Variants in ZNF143 observed in about 807,000 individuals in gnomAD.
ZNF143 encodes the protein zinc finger protein 143, also known as SPH-binding factor.
Under a neutral mutation model 74.1 loss-of-function variants are expected in ZNF143, and 49 were observed. The observed-to-expected ratio is 0.66, with a 90% CI of 0.53 to 0.84. ZNF143 has a LOEUF of 0.84. Ranked by LOEUF, ZNF143 falls within the 40% of genes least tolerant of loss-of-function variation. The probability of loss-of-function intolerance (pLI) is 0.00; values close to 1 mark genes in which losing one functional copy is unlikely to be tolerated. For missense variants in ZNF143, 637 were observed against 793.4 expected (o/e 0.80, Z 2.37); for synonymous variants, 304 against 282.8 (o/e 1.07, Z -0.75).
At chr11:9,501,608 G>A (rs982128425) in intron 11 of ZNF143, among the ~76,000 whole-genome samples, 1 of 152,124 alleles carries the variant, frequency 6.6e-6, no homozygotes, top group South Asian at 2.1e-4. Context: ...AGTCACTTCT[G>A]CAGGAATGGG....
intron 15 of ZNF143, among the ~76,000 whole-genome samples, chr11:9,526,783 A>G (rs1405564924): frequency 1.2e-4 from 19 of 152,146 alleles, no homozygotes; most frequent in Non-Finnish European, 1.5e-5. Context: ...ATTGCAGGCC[A>G]GGCACGGCAG....
chr11:9,480,921 A>C (rs1186240199), intron 7 of ZNF143, among the ~76,000 whole-genome samples: 1 of 151,988 alleles, frequency 6.6e-6, no homozygotes, highest in Non-Finnish European at 1.5e-5. Flanking sequence ...AAGAAATATT[A>C]TGCTTCTACG....
At chr11:9,466,419 C>A (rs1014597366) in intron 1 of ZNF143, among the ~76,000 whole-genome samples, 3 of 151,544 alleles carry the variant, frequency 2.0e-5, no homozygotes, top group African/African-American at 7.3e-5. Context: ...CTTCAGCCTC[C>A]CTAGTAGCTG....
chr11:9,466,431 G>A (rs1216593769), intron 1 of ZNF143, among the ~76,000 whole-genome samples: 2 of 151,200 alleles, frequency 1.3e-5, no homozygotes, highest in African/African-American at 4.9e-5. Flanking sequence ...TAGTAGCTGG[G>A]ATTACAGGCG....
chr11:9,497,314 T>C (rs1847995340), intron 9 of ZNF143, among the ~76,000 whole-genome samples: 1 of 152,148 alleles, frequency 6.6e-6, no homozygotes, highest in South Asian at 2.1e-4. Context: ...CCCTGCAACC[T>C]CTGCTTCAGG....
intron 7 of ZNF143, among the ~76,000 whole-genome samples, chr11:9,486,414 T>TATATATAATATATATA (rs1491546428): frequency 4.2e-5 from 1 of 24,040 alleles, no homozygotes; most frequent in South Asian, 8.8e-4. Context: ...ATATATATAA[T>TATATATAATATATATA]ATATATTATA....
chr11:9,505,508 G>C (rs572833870), intron 11 of ZNF143, among the ~76,000 whole-genome samples: 170 of 152,014 alleles, frequency 1.1e-3, no homozygotes, highest in Non-Finnish European at 1.9e-3. Flanking sequence ...GACCTCAGGT[G>C]AGCCACCACG....
intron 1 of ZNF143, among the ~76,000 whole-genome samples, chr11:9,467,989 G>A (rs532978338): frequency 6.6e-6 from 1 of 152,064 alleles, no homozygotes; most frequent in Non-Finnish European, 1.5e-5. Context: ...GTTCCTCTTG[G>A]GGGTAATAAC....
chr11:9,516,442 C>T, intron 14 of ZNF143, 80 bp downstream of exon 14: 2 of 1,293,728 alleles, frequency 1.5e-6, no homozygotes, highest in Middle Eastern at 2.3e-4. Context: ...TGTGGTACAA[C>T]AGTTAAGCAC....
At chr11:9,513,707 C>T (rs1848630923) in intron 13 of ZNF143, among the ~76,000 whole-genome samples, 1 of 152,146 alleles carries the variant, frequency 6.6e-6, no homozygotes, top group African/African-American at 2.4e-5. Context: ...ACCAGCCTGG[C>T]CAATGTGGTG....
At chr11:9,519,955 G>A (rs1848853459) in intron 14 of ZNF143, among the ~76,000 whole-genome samples, 1 of 151,792 alleles carries the variant, frequency 6.6e-6, no homozygotes, top group Non-Finnish European at 1.5e-5. Flanking sequence ...GGAGGCCAAG[G>A]TCGGAGGATT....
At chr11:9,474,103 C>T (rs1856744097) in intron 4 of ZNF143, 79 bp downstream of exon 4, 3 of 1,131,412 alleles carry the variant, frequency 2.7e-6, no homozygotes, top group Non-Finnish European at 2.7e-6. Context: ...CTCCCTCTTA[C>T]TACCTAAACT....
intron 5 of ZNF143, among the ~76,000 whole-genome samples, chr11:9,477,518 G>A (rs768946812): frequency 1.2e-4 from 19 of 152,152 alleles, no homozygotes; most frequent in Non-Finnish European, 2.2e-4. Flanking sequence ...GCCTCCCAAA[G>A]TGTTGGGATT....
chr11:9,472,364 T>C (rs1856628894), intron 2 of ZNF143, among the ~76,000 whole-genome samples: 1 of 152,070 alleles, frequency 6.6e-6, no homozygotes, highest in African/African-American at 2.4e-5. Context: ...GCGATTCTTC[T>C]GCCTCAGCCT....
At chr11:9,510,509 C>A (rs959023347) in intron 12 of ZNF143, among the ~76,000 whole-genome samples, 3 of 152,012 alleles carry the variant, frequency 2.0e-5, no homozygotes, top group Non-Finnish European at 4.4e-5. Flanking sequence ...GATTGTTTTT[C>A]CAAGAATAGG....
Position 9,474,017 on chromosome 11 carries a change from T to C in ZNF143, c.282T>C (p.Pro94=), listed in dbSNP as rs143615309. The part of the protein sequence containing the change: ...SAAYVQHVPI[P]KSTGDSLRLE... ...CCTATGTTCAACATGTACCCATACC[T>C]AAAAGTAGTAAGTATTTAAGATAAC... Residue 94 remains proline, a synonymous_variant, in exon 4 of 16, where the codon CCT becomes CCC. Coordinates refer to ENST00000396602, the MANE Select transcript of ZNF143 (RefSeq NM_003442.6). 246 of 1,610,564 alleles carry C rather than the reference T, an allele frequency of 1.5e-4. No individual in the cohort carries two copies. Among genetic ancestry groups the C allele is most frequent in the Middle Eastern group, 1.0e-3 (6 of 5,846 alleles).
At chr11:9,489,446 A>G (rs1847686136) in intron 7 of ZNF143, among the ~76,000 whole-genome samples, 1 of 152,208 alleles carries the variant, frequency 6.6e-6, no homozygotes, top group Non-Finnish European at 1.5e-5. Flanking sequence ...ATAGACATTA[A>G]GAATGGGAGC....
intron 5 of ZNF143, among the ~76,000 whole-genome samples, chr11:9,475,908 ATATGTG>A (rs1232225104): frequency 1.7e-3 from 196 of 117,670 alleles, no homozygotes; most frequent in Non-Finnish European, 2.4e-3. Flanking sequence ...AAAAAAATAT[ATATGTG>A]TGTGTGTGTG....
chr11:9,520,174 T>G (rs1479431950), intron 14 of ZNF143, among the ~76,000 whole-genome samples: 18 of 151,394 alleles, frequency 1.2e-4, no homozygotes, highest in Non-Finnish European at 1.5e-5. Flanking sequence ...GTAGCAGGAT[T>G]ACAGGCACCC....
Sources: allele counts gnomAD v4.1 joint callset (sites outside exome capture counted in the v4.1 genomes callset), GRCh38; gene constraint gnomAD v4.1.1; transcripts MANE v1.5; gene names NCBI Gene and HGNC (gene_info 2026-07-23, HGNC 2026-07-21).